BTBD7: variants seen among roughly 807,000 people sequenced by gnomAD.
BTBD7 encodes BTB domain containing 7.
A neutral mutation model predicts 99.9 loss-of-function variants in BTBD7; 38 were observed. The observed-to-expected ratio is 0.38, with a 90% CI of 0.29 to 0.50. The LOEUF (loss-of-function observed/expected upper bound fraction) is 0.50. BTBD7 is among the 20% of genes least tolerant of loss of function. The probability of loss-of-function intolerance (pLI) is 0.93; values close to 1 mark genes in which losing one functional copy is unlikely to be tolerated. For missense variants in BTBD7, 1,170 were observed against 1,394.6 expected (o/e 0.84, Z 2.57); for synonymous variants, 520 against 511.4 (o/e 1.02, Z -0.23).
chr14:93,295,235 C>G (rs1320170794), intron 2 of BTBD7, among the ~76,000 whole-genome samples: 1 of 152,136 alleles, frequency 6.6e-6, no homozygotes, highest in Non-Finnish European at 1.5e-5. Context: ...CTCAGCTTCC[C>G]AAGTAGCTGG....
At chr14:93,267,353 A>C (rs2139713140) in intron 3 of BTBD7, among the ~76,000 whole-genome samples, 1 of 152,338 alleles carries the variant, frequency 6.6e-6, no homozygotes, top group East Asian at 1.9e-4. Context: ...ACTCTTTAAG[A>C]GTCTGAAATG....
At chr14:93,253,597 C>T in intron 7 of BTBD7, 50 bp downstream of exon 7, 1 of 1,520,852 alleles carries the variant, frequency 6.6e-7, no homozygotes, top group East Asian at 2.3e-5. Flanking sequence ...CCACTTTGTG[C>T]ATATGGTTTG....
intron 4 of BTBD7, among the ~76,000 whole-genome samples, chr14:93,262,455 G>C (rs2052499627): frequency 6.6e-6 from 1 of 151,984 alleles, no homozygotes; most frequent in South Asian, 2.1e-4. Flanking sequence ...GCCAAGGCTG[G>C]TCTCGTACTT....
At chr14:93,259,551 T>G (rs1486727407) in intron 5 of BTBD7, among the ~76,000 whole-genome samples, 1 of 152,218 alleles carries the variant, frequency 6.6e-6, no homozygotes, top group Non-Finnish European at 1.5e-5. Flanking sequence ...ATCACCAGTA[T>G]TGATTTTGGG....
At chr14:93,262,165 C>T (rs550501097) in intron 4 of BTBD7, among the ~76,000 whole-genome samples, 104 of 150,840 alleles carry the variant, frequency 6.9e-4, no homozygotes, top group African/African-American at 2.1e-3. Flanking sequence ...GGGAGTCTCG[C>T]GCTGTTGCCC....
chr14:93,305,455 G>C (rs1199970431), intron 1 of BTBD7, among the ~76,000 whole-genome samples: 2 of 152,194 alleles, frequency 1.3e-5, no homozygotes, highest in Non-Finnish European at 2.9e-5. Flanking sequence ...CTCTGTAAGA[G>C]ACATCAACAA....
At chr14:93,311,310 T>C (rs1185173473) in intron 1 of BTBD7, among the ~76,000 whole-genome samples, 1 of 152,182 alleles carries the variant, frequency 6.6e-6, no homozygotes, top group African/African-American at 2.4e-5. Flanking sequence ...CTTACCTTTC[T>C]GGTATTACAA....
At chr14:93,293,759 T>G in intron 3 of BTBD7, 99 bp downstream of exon 3, 8 of 1,449,880 alleles carry the variant, frequency 5.5e-6, no homozygotes, top group Non-Finnish European at 7.4e-6. Flanking sequence ...CCCTGTAACA[T>G]CCCAAACACT....
chr14:93,320,705 A>C (rs565599622), intron 1 of BTBD7, among the ~76,000 whole-genome samples: 2 of 152,278 alleles, frequency 1.3e-5, no homozygotes, highest in African/African-American at 4.8e-5. Flanking sequence ...CATGCCTTAC[A>C]TCATTATCCA....
intron 3 of BTBD7, among the ~76,000 whole-genome samples, chr14:93,269,060 T>C (rs1346736444): frequency 1.3e-5 from 2 of 152,088 alleles, no homozygotes; most frequent in African/African-American, 4.8e-5. Flanking sequence ...CACCCAGCTC[T>C]AACTTAGGAC....
chr14:93,267,997 T>G (rs1379537088), intron 3 of BTBD7, among the ~76,000 whole-genome samples: 1 of 152,190 alleles, frequency 6.6e-6, no homozygotes, highest in Non-Finnish European at 1.5e-5. Context: ...ACAAATGATT[T>G]CAAGAAAAAG....
chr14:93,247,294 C>G (rs1315617325), intron 9 of BTBD7, among the ~76,000 whole-genome samples: 3 of 152,156 alleles, frequency 2.0e-5, no homozygotes, highest in Non-Finnish European at 2.9e-5. Flanking sequence ...TCCCAAAGTG[C>G]TGGGATTACA....
chr14:93,282,729 C>T (rs2052735282), intron 3 of BTBD7, among the ~76,000 whole-genome samples: 1 of 152,156 alleles, frequency 6.6e-6, no homozygotes, highest in African/African-American at 2.4e-5. Flanking sequence ...TTCCTTCTGT[C>T]ATTTTCCCTC....
At chr14:93,325,534 C>A (rs983565649) in intron 1 of BTBD7, among the ~76,000 whole-genome samples, 1 of 152,044 alleles carries the variant, frequency 6.6e-6, no homozygotes, top group South Asian at 2.1e-4. Context: ...CTGTTTAATA[C>A]GTAGTCCAGA....
intron 1 of BTBD7, among the ~76,000 whole-genome samples, chr14:93,310,740 C>T (rs1464256720): frequency 7.1e-6 from 1 of 139,918 alleles, no homozygotes; most frequent in Non-Finnish European, 1.5e-5. Flanking sequence ...ACTCTGTTTC[C>T]AAAAACAAAC....
intron 10 of BTBD7, 98 bp downstream of exon 10, chr14:93,245,727 G>A (rs1299042877): frequency 2.0e-6 from 3 of 1,514,926 alleles, no homozygotes; most frequent in Non-Finnish European, 2.6e-6. Flanking sequence ...AATACTTCTG[G>A]GCACTGCTGA....
intron 1 of BTBD7, among the ~76,000 whole-genome samples, chr14:93,304,237 G>A (rs1402676424): frequency 1.3e-5 from 2 of 152,230 alleles, no homozygotes; most frequent in Non-Finnish European, 2.9e-5. Context: ...TAAAGGAAAT[G>A]ATTGTTCTAA....
chr14:93,247,370 C>T (rs187172256), intron 9 of BTBD7, among the ~76,000 whole-genome samples: 205 of 148,738 alleles, frequency 1.4e-3, no homozygotes, highest in African/African-American at 4.4e-3. Context: ...GTTTTTGAGA[C>T]GGAGTCTTGC....
At chr14:93,275,007 G>A (rs1162441630) in intron 3 of BTBD7, among the ~76,000 whole-genome samples, 1 of 152,100 alleles carries the variant, frequency 6.6e-6, no homozygotes, top group African/African-American at 2.4e-5. Context: ...GTTCTAGAAG[G>A]GTAGAAAAAG....
Sources: gnomAD v4.1 joint callset for allele counts (sites outside exome capture counted in the v4.1 genomes callset) on GRCh38, gnomAD v4.1.1 for gene constraint, MANE v1.5 for transcripts, NCBI Gene and HGNC (gene_info 2026-07-23, HGNC 2026-07-21) for gene names.